The following RP1L1 variants were observed in gnomAD, a reference collection of about 807,000 sequenced individuals.
RP1L1 encodes retinitis pigmentosa 1-like 1 protein.
RP1L1 carries 27 observed loss-of-function variants against 15.7 expected under a neutral mutation model. That is an observed-to-expected ratio of 1.72 (90% CI 1.27 to 2.38). RP1L1 has a LOEUF of 2.38. RP1L1 is among the 30% of genes most tolerant of loss of function. The probability of loss-of-function intolerance (pLI) is 0.00; values close to 1 mark genes in which losing one functional copy is unlikely to be tolerated. For missense variants in RP1L1, 4,798 were observed against 3,075.9 expected (o/e 1.56, Z -13.24); for synonymous variants, 1,813 against 1,276.7 (o/e 1.42, Z -8.96).
At chr8:10,622,340 A>C (rs1054463392) in intron 2 of RP1L1, among the ~76,000 whole-genome samples, 1 of 151,690 alleles carries the variant, frequency 6.6e-6, no homozygotes, top group Non-Finnish European at 1.5e-5. Context: ...AAAGCCAAAA[A>C]AAAAAAAAAA....
At chr8:10,637,989 G>A (rs926536657) in intron 1 of RP1L1, among the ~76,000 whole-genome samples, 13 of 152,296 alleles carry the variant, frequency 8.5e-5, no homozygotes, top group Non-Finnish European at 1.8e-4. Flanking sequence ...ACAAGAATAG[G>A]CGATGGTGCC....
chr8:10,619,891 G>A (rs1362347259), intron 2 of RP1L1, among the ~76,000 whole-genome samples: 1 of 151,372 alleles, frequency 6.6e-6, no homozygotes, highest in African/African-American at 2.4e-5. Flanking sequence ...AACCTAGGGG[G>A]CAGAGGTTGC....
intron 1 of RP1L1, among the ~76,000 whole-genome samples, chr8:10,644,753 A>G (rs551563973): frequency 2.0e-5 from 3 of 152,220 alleles, no homozygotes; most frequent in Non-Finnish European, 4.4e-5. Flanking sequence ...CCAGGAACGC[A>G]GCCAGGGCTC....
At chr8:10,629,308 A>G (rs1435736544) in intron 1 of RP1L1, among the ~76,000 whole-genome samples, 2 of 152,100 alleles carry the variant, frequency 1.3e-5, no homozygotes, top group African/African-American at 4.8e-5. Flanking sequence ...GGGGCTACCC[A>G]TGGCCCTGAG....
At chr8:10,649,166 T>A (rs1798522826) in intron 1 of RP1L1, among the ~76,000 whole-genome samples, 1 of 152,210 alleles carries the variant, frequency 6.6e-6, no homozygotes, top group African/African-American at 2.4e-5. Context: ...GGAGGAAGCG[T>A]GAGATTCAAA....
chr8:10,607,938 C>T lies in RP1L1; in HGVS notation c.6160G>A (p.Gly2054Ser), dbSNP rs764219403. 57 of 1,613,046 alleles carry T rather than the reference C, an allele frequency of 3.5e-5. 1 individual carries two copies. The highest frequency in any genetic ancestry group is 3.0e-4 in the South Asian group (27 of 91,020). Residue 2054 changes from glycine to serine, a missense_variant, in exon 4 of 4, where the codon GGT (glycine) becomes AGT (serine). Coordinates refer to ENST00000382483, the MANE Select transcript of RP1L1 (RefSeq NM_178857.6). ...TCTTCTGCCTCCGGGGCCTCTACACCGTCTGACTCTGGCTGGGCATCCCCT... is the reference window on the plus strand; with the variant it reads ...TCTTCTGCCTCCGGGGCCTCTACACTGTCTGACTCTGGCTGGGCATCCCCT... ...TEGDAQPESD[G>S]VEAPEAEEEA...
At chr8:10,638,253 C>T (rs1199867659) in intron 1 of RP1L1, among the ~76,000 whole-genome samples, 1 of 152,196 alleles carries the variant, frequency 6.6e-6, no homozygotes, top group African/African-American at 2.4e-5. Flanking sequence ...CATGTATCCA[C>T]AGGCACTTGT....
chr8:10,610,985 G>A lies in RP1L1; in HGVS notation c.3113C>T (p.Ser1038Leu), dbSNP rs753891268. The A allele has an allele frequency of 6.2e-7, 1 of 1,612,522 alleles. No individual in the cohort carries two copies. The highest frequency in any genetic ancestry group is 1.3e-5 in the African/African-American group (1 of 74,928). Residue 1038 changes from serine to leucine, a missense_variant, in exon 4 of 4, where the codon TCA (serine) becomes TTA (leucine). Coordinates refer to ENST00000382483, the MANE Select transcript of RP1L1 (RefSeq NM_178857.6). ...LLGSSDTGPQ[S>L]GEGVPQGAAP... ...TGCCCCTTGGGGGACACCCTCTCCT[G>A]ATTGGGGACCAGTGTCACTACTCCC...
chr8:10,611,293 CT>C lies in RP1L1; in HGVS notation c.2804del (p.Gln935ArgfsTer37), dbSNP rs1797847772. The C allele has an allele frequency of 1.2e-6, 2 of 1,613,026 alleles. No individual in the cohort carries two copies. On this transcript the variant is annotated frameshift_variant, in exon 4 of 4. Transcript: ENST00000382483. LOFTEE classifies it low-confidence loss of function (END_TRUNC). ...ACACACCACTGGCCTCCTCCTGCCC[CT>C]GGGGGCCTCCCCCACTCCTCAAGGT... ...EKTLRSGGGP[Q>X]GQEEASGVSP... is the part of the protein sequence containing the mutation.
intron 3 of RP1L1, among the ~76,000 whole-genome samples, chr8:10,615,269 A>C (rs1018610182): frequency 6.6e-5 from 10 of 152,202 alleles, no homozygotes; most frequent in African/African-American, 2.4e-4. Context: ...TTACTCGCCA[A>C]ATTTTTCCAT....
intron 1 of RP1L1, among the ~76,000 whole-genome samples, chr8:10,652,052 T>A (rs1376446320): frequency 1.3e-5 from 2 of 152,208 alleles, no homozygotes; most frequent in African/African-American, 4.8e-5. Flanking sequence ...TACAGGTTTG[T>A]AACCTTGGAG....
At position 10,608,581 on chromosome 8, in the gene RP1L1, C is replaced by T. The variant is rs1282427158; in HGVS notation, c.5517G>A (p.Glu1839=). Residue 1839 remains glutamate (E), a synonymous_variant, in exon 4 of 4, where the codon GAG becomes GAA. Transcript: ENST00000382483. ...SDGAEGIEAP[E]AEGEAQPESE... is the part of the protein sequence containing the mutation. Reference sequence around the variant, plus strand: ...ACTCTGGCTGGGCCTCCCCTTCAGCCTCCGGGGCCTCTATGCCTTCGGCCC... The same window carrying T: ...ACTCTGGCTGGGCCTCCCCTTCAGCTTCCGGGGCCTCTATGCCTTCGGCCC... The T allele has an allele frequency of 6.8e-6, 11 of 1,614,006 alleles. 1 individual carries two copies. Among genetic ancestry groups the T allele is most frequent in the South Asian group, 3.3e-5 (3 of 91,084 alleles).
intron 1 of RP1L1, among the ~76,000 whole-genome samples, chr8:10,628,091 T>C (rs1798185721): frequency 6.6e-6 from 1 of 152,086 alleles, no homozygotes; most frequent in African/African-American, 2.4e-5. Flanking sequence ...CTTCTGGAGG[T>C]CTCCAGGTTC....
chr8:10,623,013 G>T lies in RP1L1; in HGVS notation c.189C>A (p.Ala63=), dbSNP rs746223147. 6.2e-7 allele frequency: 1 copy of T among 1,614,012 alleles called. No individual in the cohort carries two copies. The highest frequency in any genetic ancestry group is 8.5e-7 in the Non-Finnish European group (1 of 1,180,044). The change falls in exon 2 of 4, where the codon GCC becomes GCA. Residue 63 remains alanine, a synonymous_variant. Coordinates refer to ENST00000382483, the MANE Select transcript of RP1L1 (RefSeq NM_178857.6). ...VHQRAFKTFS[A]LMDELSQRVP... is the part of the protein sequence containing the mutation. ...CGCGCTGGGAGAGCTCGTCCATGAG[G>T]GCGCTGAAGGTCTTAAAGGCGCGCT... is the stretch of plus-strand genomic sequence containing the variant.
rs535907495 is a variant in RP1L1 at position 10,609,176 on chromosome 8, G to A, written c.4922C>T (p.Thr1641Ile). 6.2e-7 allele frequency: 1 copy of A among 1,612,386 alleles called. No individual in the cohort carries two copies. The highest frequency in any genetic ancestry group is 1.1e-5 in the South Asian group (1 of 91,082). The change falls in exon 4 of 4, where the codon ACA (threonine) becomes ATA (isoleucine). Residue 1641 changes from threonine (T) to isoleucine (I), a missense_variant. Physicochemically the swap from Thr to Ile is moderately conservative, Grantham distance 89. Transcript: ENST00000382483. ...FTLEDEPALS[T>I]ALGSQLGEEA... is the part of the protein sequence containing the mutation. ...CTCGCCCAGCTGGCTCCCCAGGGCT[G>A]TGCTGAGGGCTGGCTCGTCCTCCAG...
intron 2 of RP1L1, among the ~76,000 whole-genome samples, chr8:10,622,098 G>A (rs1315860897): frequency 6.6e-6 from 1 of 152,048 alleles, no homozygotes; most frequent in African/African-American, 2.4e-5. Context: ...GAATCGGGCA[G>A]ATCACCTGAG....
At chr8:10,623,403 T>A (rs1305592652) in intron 1 of RP1L1, among the ~76,000 whole-genome samples, 183 bp from the exon 2 acceptor site, 36 of 152,162 alleles carry the variant, frequency 2.4e-4, no homozygotes, top group Admixed American at 2.2e-3. Context: ...ATGGGACAGA[T>A]CTGAGTTCAA....
At chr8:10,627,350 G>C (rs533973771) in intron 1 of RP1L1, among the ~76,000 whole-genome samples, 2 of 152,130 alleles carry the variant, frequency 1.3e-5, no homozygotes, top group Non-Finnish European at 2.9e-5. Flanking sequence ...GATGAACCTT[G>C]AAGACATTAA....
At chr8:10,639,576 G>A (rs1798379348) in intron 1 of RP1L1, among the ~76,000 whole-genome samples, 1 of 152,066 alleles carries the variant, frequency 6.6e-6, no homozygotes. Context: ...GTCTCATTAT[G>A]TTGCCCACGC....
Sources: allele counts gnomAD v4.1 joint callset (sites outside exome capture counted in the v4.1 genomes callset), GRCh38; gene constraint gnomAD v4.1.1; transcripts MANE v1.5; gene names NCBI Gene and HGNC (gene_info 2026-07-23, HGNC 2026-07-21).